DAB1: variants seen among roughly 807,000 people sequenced by gnomAD.
DAB1 encodes disabled homolog 1.
DAB1 carries 15 observed loss-of-function variants against 64.6 expected under a neutral mutation model. The ratio of observed to expected loss-of-function variants is 0.23; its 90% CI spans 0.16 to 0.36. DAB1 has a LOEUF of 0.36. Ranked by LOEUF, DAB1 falls within the 10% of genes least tolerant of loss-of-function variation. DAB1 has a pLI of 1.00. For missense variants in DAB1, 596 were observed against 706.7 expected, an observed-to-expected ratio of 0.84 and a Z score of 1.78; for synonymous variants, 235 against 251.9, an observed-to-expected ratio of 0.93 and a Z score of 0.64.
intron 4 of DAB1, among the ~76,000 whole-genome samples, chr1:58,174,099 C>A (rs1656326217): frequency 6.6e-6 from 1 of 152,152 alleles, no homozygotes; most frequent in South Asian, 2.1e-4. Flanking sequence ...CCTAGACCTC[C>A]TCACTGCTGA....
At chr1:57,000,139 G>C (rs1645799413) in intron 14 of DAB1, among the ~76,000 whole-genome samples, 1 of 150,280 alleles carries the variant, frequency 6.7e-6, no homozygotes, top group Admixed American at 6.7e-5. Flanking sequence ...GGCCTCCCAG[G>C]TTCACACCAT....
chr1:57,506,376 C>T lies in DAB1; in HGVS notation n.625+143216G>A, dbSNP rs1644343718. 2.6e-5 allele frequency among the ~76,000 whole-genome samples: 4 copies of T among 152,102 alleles called. No homozygotes were observed. The South Asian group carries it at 8.3e-4, about 32-fold the overall frequency. On this transcript the variant is annotated intron_variant and non_coding_transcript_variant, in intron 7 of 20. Transcript: ENST00000485760. The stretch of plus-strand genomic sequence containing the variant: ...CCCTGGTAGATTCACACTGCGTTAT[C>T]AGAGTATTTCTTTTTCCTTCATATT...
At chr1:57,253,827 T>C (rs1364336371) in intron 2 of DAB1, among the ~76,000 whole-genome samples, 2 of 152,232 alleles carry the variant, frequency 1.3e-5, no homozygotes, top group East Asian at 1.9e-4. Context: ...CCATCCATGT[T>C]TGGACCTCCT....
At chr1:58,222,694 T>C (rs1199729947) in intron 4 of DAB1, among the ~76,000 whole-genome samples, 2 of 152,250 alleles carry the variant, frequency 1.3e-5, no homozygotes, top group African/African-American at 2.4e-5. Flanking sequence ...GTCTAATGCA[T>C]GCCACCCAGA....
intron 6 of DAB1, among the ~76,000 whole-genome samples, chr1:57,767,506 C>G (rs1450212314): frequency 1.3e-5 from 2 of 152,184 alleles, no homozygotes; most frequent in Non-Finnish European, 2.9e-5. Flanking sequence ...CACTATGTCT[C>G]TTATCTCTAC....
At chr1:57,657,952 G>C (rs901102041) in intron 6 of DAB1, among the ~76,000 whole-genome samples, 2 of 152,146 alleles carry the variant, frequency 1.3e-5, no homozygotes, top group Non-Finnish European at 2.9e-5. Context: ...CATTTACCAA[G>C]TCATCCATCC....
intron 4 of DAB1, among the ~76,000 whole-genome samples, chr1:58,304,613 T>C (rs1357932198): frequency 6.6e-6 from 1 of 152,174 alleles, no homozygotes; most frequent in Non-Finnish European, 1.5e-5. Flanking sequence ...GTACAGAACA[T>C]TTATGATATG....
chr1:57,724,172 G>A (rs116088142), intron 6 of DAB1, among the ~76,000 whole-genome samples: 3,972 of 147,758 alleles, frequency 0.027, 157 homozygotes, highest in African/African-American at 0.091. Context: ...TTTGCATTCT[G>A]TTTTCACTTA....
chr1:57,290,199 G>T (rs1201663611), intron 2 of DAB1, among the ~76,000 whole-genome samples: 2 of 151,958 alleles, frequency 1.3e-5, no homozygotes, highest in East Asian at 3.9e-4. Context: ...GGCTCCCCCA[G>T]GAGGCTCCCC....
intron 9 of DAB1, among the ~76,000 whole-genome samples, chr1:57,035,617 A>C (rs757119373): frequency 1.6e-4 from 24 of 152,102 alleles, no homozygotes; most frequent in Middle Eastern, 3.2e-3. Flanking sequence ...CAGGCCATGG[A>C]TGTGCTGGCC....
intron 5 of DAB1, among the ~76,000 whole-genome samples, chr1:57,939,442 C>T (rs1033789960): frequency 6.6e-6 from 1 of 152,204 alleles, no homozygotes; most frequent in Non-Finnish European, 1.5e-5. Flanking sequence ...ACTCAGCTTA[C>T]CTCAACCACG....
intron 5 of DAB1, among the ~76,000 whole-genome samples, chr1:58,058,299 A>C (rs1648270882): frequency 6.6e-6 from 1 of 152,186 alleles, no homozygotes; most frequent in Admixed American, 6.5e-5. Context: ...ATAGTTGTCT[A>C]CAATGAAAAG....
intron 7 of DAB1, among the ~76,000 whole-genome samples, chr1:57,467,036 TCA>T (rs1041871202): frequency 2.6e-4 from 40 of 152,286 alleles, no homozygotes; most frequent in African/African-American, 9.1e-4. Flanking sequence ...CTTATCTTGT[TCA>T]CAGTTTCCAC....
intron 3 of DAB1, among the ~76,000 whole-genome samples, chr1:58,451,146 A>G (rs822165): frequency 0.43 from 64,688 of 152,124 alleles, 14,311 homozygotes; most frequent in Non-Finnish European, 0.48. Flanking sequence ...GTGGAATGCC[A>G]TGATGCAATC....
chr1:57,723,120 T>C (rs1374106682), intron 6 of DAB1, among the ~76,000 whole-genome samples: 3 of 152,156 alleles, frequency 2.0e-5, no homozygotes, highest in Non-Finnish European at 2.9e-5. Context: ...TTAATTCTAG[T>C]CAACTTGTCT....
chr1:58,336,444 A>G (rs34444442), intron 4 of DAB1, among the ~76,000 whole-genome samples: 14,031 of 152,270 alleles, frequency 0.092, 824 homozygotes, highest in Non-Finnish European at 0.13. Context: ...TACAATAGTA[A>G]TAATAGTAGC....
chr1:57,488,995 A>C (rs1177425465), intron 7 of DAB1, among the ~76,000 whole-genome samples: 5 of 152,214 alleles, frequency 3.3e-5, no homozygotes, highest in Non-Finnish European at 5.9e-5. Flanking sequence ...AAGTAAAAAC[A>C]AGGGCACATC....
chr1:58,094,941 C>T (rs1285995519), intron 5 of DAB1, among the ~76,000 whole-genome samples: 1 of 152,214 alleles, frequency 6.6e-6, no homozygotes, highest in Non-Finnish European at 1.5e-5. Context: ...AGTCCTTAAA[C>T]TAAGGTTGGC....
At chr1:57,249,371 G>C (rs927075784) in intron 2 of DAB1, among the ~76,000 whole-genome samples, 2 of 152,042 alleles carry the variant, frequency 1.3e-5, no homozygotes, top group Non-Finnish European at 2.9e-5. Context: ...TTTTGTTGTT[G>C]TTTTGTTTAT....
Sources: allele counts gnomAD v4.1 joint callset (sites outside exome capture counted in the v4.1 genomes callset), GRCh38; gene constraint gnomAD v4.1.1; transcripts MANE v1.5; gene names NCBI Gene and HGNC (gene_info 2026-07-23, HGNC 2026-07-21).